CHRM3: variants seen among roughly 807,000 people sequenced by gnomAD.
CHRM3 encodes the protein muscarinic acetylcholine receptor M3.
Under a neutral mutation model 41.8 loss-of-function variants are expected in CHRM3, and 11 were observed. The observed-to-expected ratio is 0.26, with a 90% CI of 0.17 to 0.44. The LOEUF is 0.44. Ranked by LOEUF, CHRM3 falls within the 20% of genes least tolerant of loss-of-function variation. CHRM3 has a pLI of 1.00. For synonymous variants in CHRM3, 297 were observed against 301.4 expected, an observed-to-expected ratio of 0.99 and a Z score of 0.15; for missense variants, 571 against 745.4, an observed-to-expected ratio of 0.77 and a Z score of 2.72.
rs573691534 is a variant in CHRM3, at chr1:239,876,335, A to T, written c.-19-31098A>T. On this transcript the variant is annotated intron_variant, in intron 6 of 6. Transcript: ENST00000676153. ...TGTTAACACAACATTGCTATGGCTT[A>T]TATCAGTTTTGGAAACCAGCTGGAG... 3.3e-4 allele frequency among the ~76,000 whole-genome samples: 50 copies of T among 152,320 alleles called. No individual in the cohort carries two copies. In the South Asian group the frequency reaches 9.5e-3, roughly 29 times the overall value.
chr1:239,643,788 A>T (rs1671471103), intron 4 of CHRM3, among the ~76,000 whole-genome samples: 1 of 152,098 alleles, frequency 6.6e-6, no homozygotes, highest in Admixed American at 6.5e-5. Flanking sequence ...TCCTGCGCCC[A>T]CTGTCTGGCA....
chr1:239,405,739 G>GA (rs571363759), intron 1 of CHRM3, among the ~76,000 whole-genome samples: 175 of 151,210 alleles, frequency 1.2e-3, no homozygotes, highest in Non-Finnish European at 1.5e-3. Context: ...CTCTTGATGT[G>GA]AAAAAAAAAT....
At chr1:239,772,163 T>C (rs1033959738) in intron 5 of CHRM3, among the ~76,000 whole-genome samples, 1 of 152,178 alleles carries the variant, frequency 6.6e-6, no homozygotes, top group Non-Finnish European at 1.5e-5. Context: ...TTCTTTTTTT[T>C]TCTTTGAGAC....
At chr1:239,644,204 T>TA (rs1223774095) in intron 4 of CHRM3, among the ~76,000 whole-genome samples, 1 of 152,178 alleles carries the variant, frequency 6.6e-6, no homozygotes, top group Non-Finnish European at 1.5e-5. Flanking sequence ...TTGAAATCAC[T>TA]AAAAGAGCAT....
intron 1 of CHRM3, among the ~76,000 whole-genome samples, chr1:239,465,500 G>C (rs1250470438): frequency 6.6e-6 from 1 of 152,162 alleles, no homozygotes; most frequent in African/African-American, 2.4e-5. Context: ...CACGCAGTCA[G>C]TTTAGAAAGA....
chr1:239,610,596 G>A (rs971500695), intron 3 of CHRM3, among the ~76,000 whole-genome samples: 1 of 152,178 alleles, frequency 6.6e-6, no homozygotes, highest in Non-Finnish European at 1.5e-5. Flanking sequence ...ACATCAGCTT[G>A]TGTGTATTGT....
At chr1:239,741,754 C>T (rs866183133) in intron 5 of CHRM3, among the ~76,000 whole-genome samples, 1 of 152,114 alleles carries the variant, frequency 6.6e-6, no homozygotes, top group Admixed American at 6.5e-5. Flanking sequence ...AAAAAACCCA[C>T]GTCTTATATT....
At chr1:239,548,747 G>C (rs948246744) in intron 3 of CHRM3, among the ~76,000 whole-genome samples, 1 of 151,394 alleles carries the variant, frequency 6.6e-6, no homozygotes, top group South Asian at 2.1e-4. Context: ...ATGTGATGCT[G>C]TCCTGCCCTC....
chr1:239,656,701 A>C (rs1672753751), intron 4 of CHRM3, among the ~76,000 whole-genome samples: 4 of 152,084 alleles, frequency 2.6e-5, no homozygotes, highest in Admixed American at 2.6e-4. Context: ...TAGGTGAGTT[A>C]AATGATTTTT....
intron 5 of CHRM3, among the ~76,000 whole-genome samples, chr1:239,702,876 G>A (rs893239691): frequency 6.6e-6 from 1 of 152,178 alleles, no homozygotes; most frequent in East Asian, 1.9e-4. Flanking sequence ...TTCTTTGTGT[G>A]TCCTGATTCA....
At chr1:239,829,501 A>C (rs1672731433) in intron 6 of CHRM3, among the ~76,000 whole-genome samples, 1 of 152,180 alleles carries the variant, frequency 6.6e-6, no homozygotes, top group Admixed American at 6.5e-5. Flanking sequence ...CTTTAGTTAT[A>C]AAACACCTGC....
intron 3 of CHRM3, among the ~76,000 whole-genome samples, chr1:239,612,385 G>C (rs1016898538): frequency 6.6e-6 from 1 of 151,998 alleles, no homozygotes; most frequent in Non-Finnish European, 1.5e-5. Flanking sequence ...CATAAACTAA[G>C]GATTTCAGGA....
intron 3 of CHRM3, among the ~76,000 whole-genome samples, chr1:239,595,961 A>G (rs1328197236): frequency 6.6e-6 from 1 of 152,202 alleles, no homozygotes; most frequent in East Asian, 1.9e-4. Context: ...TAATGTCTTT[A>G]GACTAAGAAT....
intron 1 of CHRM3, among the ~76,000 whole-genome samples, chr1:239,420,331 C>T (rs962872193): frequency 1.3e-5 from 2 of 152,190 alleles, no homozygotes; most frequent in African/African-American, 4.8e-5. Flanking sequence ...GAGTTGTAGG[C>T]ACCAGAGAGC....
intron 2 of CHRM3, among the ~76,000 whole-genome samples, chr1:239,500,031 C>A (rs955705003): frequency 2.6e-5 from 4 of 152,142 alleles, no homozygotes; most frequent in African/African-American, 9.7e-5. Flanking sequence ...AATGGAACCT[C>A]TTTAAAGCAT....
chr1:239,724,973 T>C (rs1479478127), intron 5 of CHRM3, among the ~76,000 whole-genome samples: 1 of 151,892 alleles, frequency 6.6e-6, no homozygotes, highest in African/African-American at 2.4e-5. Context: ...CTTATTGTTA[T>C]ATTTAATCTT....
intron 1 of CHRM3, among the ~76,000 whole-genome samples, chr1:239,415,507 T>C (rs982835043): frequency 6.6e-6 from 1 of 152,014 alleles, no homozygotes; most frequent in African/African-American, 2.4e-5. Flanking sequence ...ATAAATTAAG[T>C]CCAGAATAAA....
At chr1:239,517,183 G>A (rs1395152892) in intron 2 of CHRM3, among the ~76,000 whole-genome samples, 1 of 152,124 alleles carries the variant, frequency 6.6e-6, no homozygotes, top group African/African-American at 2.4e-5. Flanking sequence ...CAAAAGTTTG[G>A]AGGCCACTGG....
At chr1:239,713,055 G>C (rs1207782888) in intron 5 of CHRM3, among the ~76,000 whole-genome samples, 1 of 152,122 alleles carries the variant, frequency 6.6e-6, no homozygotes, top group African/African-American at 2.4e-5. Flanking sequence ...CACAAACACT[G>C]CCCGCTAAGC....
Sources: allele counts gnomAD v4.1 joint callset (sites outside exome capture counted in the v4.1 genomes callset), GRCh38; gene constraint gnomAD v4.1.1; transcripts MANE v1.5; gene names NCBI Gene and HGNC (gene_info 2026-07-23, HGNC 2026-07-21).